SGCD: variants seen among roughly 807,000 people sequenced by gnomAD.
SGCD encodes the protein sarcoglycan delta, also known as delta-sarcoglycan.
Under a neutral mutation model 36.6 loss-of-function variants are expected in SGCD, and 18 were observed. That is an observed-to-expected ratio of 0.49 (90% CI 0.34 to 0.73). SGCD has a LOEUF of 0.73. SGCD is among the 30% of genes least tolerant of loss of function. The pLI is 0.01. For synonymous variants in SGCD, 133 were observed against 130.6 expected, an observed-to-expected ratio of 1.02 and a Z score of -0.12; for missense variants, 387 against 346.7, an observed-to-expected ratio of 1.12 and a Z score of -0.92.
chr5:156,673,748 C>T (rs144531745), intron 7 of SGCD, among the ~76,000 whole-genome samples: 46 of 152,310 alleles, frequency 3.0e-4, no homozygotes, highest in Middle Eastern at 6.8e-3. Context: ...CTTCACACTT[C>T]GTGGCAGCTT....
intron 3 of SGCD, among the ~76,000 whole-genome samples, chr5:156,397,662 C>G (rs1425500930): frequency 6.6e-6 from 1 of 152,196 alleles, no homozygotes; most frequent in Admixed American, 6.5e-5. Context: ...AAAAGCATCC[C>G]TGTCTCCCCG....
chr5:156,457,993 C>T (rs1754329605), intron 3 of SGCD, among the ~76,000 whole-genome samples: 1 of 152,112 alleles, frequency 6.6e-6, no homozygotes, highest in Non-Finnish European at 1.5e-5. Context: ...CCAACCCCTC[C>T]CCAGTCCCAG....
At chr5:156,746,313 A>C (rs1254045897) in intron 7 of SGCD, among the ~76,000 whole-genome samples, 2 of 152,238 alleles carry the variant, frequency 1.3e-5, no homozygotes, top group Admixed American at 6.5e-5. Context: ...GGGCAAATTA[A>C]AGATCTATTC....
chr5:156,579,239 T>A (rs1760132956), intron 4 of SGCD, among the ~76,000 whole-genome samples: 1 of 152,226 alleles, frequency 6.6e-6, no homozygotes, highest in African/African-American at 2.4e-5. Context: ...TGTTTCTTAA[T>A]CCTGAGTTCT....
intron 7 of SGCD, among the ~76,000 whole-genome samples, chr5:156,756,299 C>A (rs1046759507): frequency 1.3e-5 from 2 of 152,180 alleles, no homozygotes; most frequent in Non-Finnish European, 1.5e-5. Flanking sequence ...GTAATCCCAG[C>A]ACTTTGAAAG....
At chr5:155,820,893 G>A in the SGCD span, among the ~76,000 whole-genome samples, 28,617 of 151,814 alleles carry the variant, frequency 0.19, 3,658 homozygotes, top group Admixed American at 0.4. Flanking sequence ...GCAGATCAGG[G>A]TTTCAATTCT....
intron 4 of SGCD, among the ~76,000 whole-genome samples, chr5:156,563,218 G>A (rs898334405): frequency 5.3e-5 from 8 of 152,128 alleles, no homozygotes; most frequent in African/African-American, 1.9e-4. Flanking sequence ...CTGACCTCAG[G>A]TGATCCACCC....
intron 6 of SGCD, among the ~76,000 whole-genome samples, chr5:156,643,024 GTTTTTTTT>G (rs201396237): frequency 9.0e-6 from 1 of 111,208 alleles, no homozygotes; most frequent in Admixed American, 1.1e-4. Context: ...GGGGTTTTTT[GTTTTTTTT>G]TTTGTTTGTT....
At chr5:155,994,263 T>C (rs1758494088) in intron 1 of SGCD, among the ~76,000 whole-genome samples, 1 of 152,212 alleles carries the variant, frequency 6.6e-6, no homozygotes, top group Non-Finnish European at 1.5e-5. Flanking sequence ...GCCTTGGTTT[T>C]CTCATCTAGA....
chr5:156,387,481 A>T (rs1432842089), intron 3 of SGCD, among the ~76,000 whole-genome samples: 1 of 152,192 alleles, frequency 6.6e-6, no homozygotes, highest in African/African-American at 2.4e-5. Context: ...CAAGTTATGC[A>T]TGGGAGGTTA....
intron 1 of SGCD, among the ~76,000 whole-genome samples, chr5:156,001,224 A>G (rs1758658962): frequency 1.3e-5 from 2 of 152,210 alleles, no homozygotes; most frequent in Non-Finnish European, 2.9e-5. Context: ...CACGTTCTGC[A>G]TTTAGATCTG....
intron 3 of SGCD, among the ~76,000 whole-genome samples, chr5:156,476,625 T>C (rs1165449997): frequency 2.6e-5 from 4 of 152,108 alleles, no homozygotes; most frequent in Admixed American, 2.6e-4. Context: ...TTCAAGAAAA[T>C]AGGGCATAGT....
chr5:155,831,146 A>G, the SGCD span, among the ~76,000 whole-genome samples: 1 of 151,866 alleles, frequency 6.6e-6, no homozygotes, highest in Admixed American at 6.6e-5. Context: ...TATGACTTCA[A>G]CTCTCTCTGA....
the SGCD span, among the ~76,000 whole-genome samples, chr5:155,843,503 C>T: frequency 1.3e-5 from 2 of 152,208 alleles, no homozygotes; most frequent in Non-Finnish European, 2.9e-5. Context: ...CACATACTTA[C>T]TGAGTAGGTC....
At chr5:156,068,108 T>G (rs1384678320) in intron 1 of SGCD, among the ~76,000 whole-genome samples, 1 of 144,930 alleles carries the variant, frequency 6.9e-6, no homozygotes, top group Non-Finnish European at 1.5e-5. Flanking sequence ...ATTTTTATTT[T>G]TATTTTATTT....
At chr5:156,293,108 G>A (rs1325764490) in intron 3 of SGCD, among the ~76,000 whole-genome samples, 1 of 151,784 alleles carries the variant, frequency 6.6e-6, no homozygotes, top group African/African-American at 2.4e-5. Context: ...TGCATAGGCT[G>A]AAGTGCAGTG....
At chr5:156,497,535 A>G (rs1756250241) in intron 3 of SGCD, among the ~76,000 whole-genome samples, 2 of 152,040 alleles carry the variant, frequency 1.3e-5, no homozygotes, top group African/African-American at 4.8e-5. Context: ...CAGATGAGAA[A>G]TTACAGTTTT....
chr5:156,397,219 T>C, intron 3 of SGCD, among the ~76,000 whole-genome samples: 1 of 151,914 alleles, frequency 6.6e-6, no homozygotes, highest in Non-Finnish European at 1.5e-5. Flanking sequence ...GAAAGAAAAC[T>C]TTTTTTTTCT....
rs146052124 is a variant in SGCD at position 156,001,366 on chromosome 5, C to A, written c.-281-116512C>A. ...ACTAATTTGTTTTATGGGGAACTGG[C>A]AAAATTTCAAAATCTTGTCAGTGAT... On this transcript the variant is annotated intron_variant, in intron 1 of 9. Transcript: ENST00000517913. 2.6e-3 allele frequency among the ~76,000 whole-genome samples: 396 copies of A among 152,232 alleles called. 5 individuals are homozygous for A. The highest frequency in any genetic ancestry group is 9.1e-3 in the African/African-American group (377 of 41,544).
Sources: gnomAD v4.1 joint callset for allele counts (sites outside exome capture counted in the v4.1 genomes callset) on GRCh38, gnomAD v4.1.1 for gene constraint, MANE v1.5 for transcripts, NCBI Gene and HGNC (gene_info 2026-07-23, HGNC 2026-07-21) for gene names.